The following TRDN variants were observed in gnomAD, a reference collection of about 807,000 sequenced individuals.
TRDN encodes the protein triadin.
In TRDN, 161 loss-of-function variants were observed where a neutral mutation model predicts 149.7. That is an observed-to-expected ratio of 1.08 (90% CI 0.95 to 1.23). TRDN has a LOEUF of 1.23. TRDN is among the 50% of genes most tolerant of loss of function. The pLI, the probability that TRDN is intolerant of heterozygous loss-of-function variation, is 0.00. For synonymous variants in TRDN, 294 were observed against 250.5 expected (o/e 1.17, Z -1.64); for missense variants, 896 against 823.5 (o/e 1.09, Z -1.08).
chr6:123,489,672 C>T (rs1300187082), intron 9 of TRDN: 1 of 152,038 alleles, frequency 6.6e-6, no homozygotes, highest in Non-Finnish European at 1.5e-5. Context: ...ATTTCATCAA[C>T]ATAGGAACTG....
intron 13 of TRDN, among the ~76,000 whole-genome samples, chr6:123,391,269 G>T: frequency 6.6e-6 from 1 of 151,156 alleles, no homozygotes; most frequent in Admixed American, 6.6e-5. Flanking sequence ...CCTTCAGCTA[G>T]TTTTTTCCCT....
At chr6:123,404,429 CT>C (rs1410120808) in intron 12 of TRDN, among the ~76,000 whole-genome samples, 1 of 151,994 alleles carries the variant, frequency 6.6e-6, no homozygotes, top group Non-Finnish European at 1.5e-5. Context: ...AGACTGTGGA[CT>C]TTTTGTAATG....
chr6:123,513,597 G>C (rs1779277038), intron 6 of TRDN, among the ~76,000 whole-genome samples: 1 of 151,932 alleles, frequency 6.6e-6, no homozygotes, highest in Non-Finnish European at 1.5e-5. Flanking sequence ...TTCTAGAACA[G>C]AGAAAGGAGA....
chr6:123,504,241 G>A (rs1322709350), intron 7 of TRDN, among the ~76,000 whole-genome samples: 1 of 151,990 alleles, frequency 6.6e-6, no homozygotes, highest in African/African-American at 2.4e-5. Context: ...GCAGGGGATG[G>A]ATGTACAGGA....
intron 24 of TRDN, among the ~76,000 whole-genome samples, chr6:123,279,868 T>G (rs1310069079): frequency 1.3e-5 from 2 of 152,166 alleles, no homozygotes; most frequent in African/African-American, 4.8e-5. Context: ...ATTTCAAAAC[T>G]ATCCTAGTAA....
At chr6:123,626,254 G>A (rs530739111) in intron 1 of TRDN, among the ~76,000 whole-genome samples, 107 of 152,150 alleles carry the variant, frequency 7.0e-4, no homozygotes, top group African/African-American at 2.4e-3. Context: ...GGCCAAGGTG[G>A]GTGGATCCCT....
At chr6:123,552,858 T>C (rs1314799105) in intron 2 of TRDN, among the ~76,000 whole-genome samples, 1 of 152,114 alleles carries the variant, frequency 6.6e-6, no homozygotes, top group Non-Finnish European at 1.5e-5. Context: ...ATGCCTTGCT[T>C]TCCCAAAGTC....
Position 123,388,473 on chromosome 6 carries a change from G to T in TRDN, c.1135+49C>A. ...CAGTCAAAACCCAACTCAGGATATT[G>T]GTAAATTGTACTCACAAAAGGCTCA... On this transcript the variant is annotated intron_variant, in intron 14 of 40. Coordinates refer to ENST00000334268, the MANE Select transcript of TRDN (RefSeq NM_006073.4). The T allele has an allele frequency of 3.2e-6, 5 of 1,564,640 alleles. No individual in the cohort carries two copies. In the South Asian group the frequency reaches 4.7e-5, roughly 15 times the overall value.
intron 4 of TRDN, among the ~76,000 whole-genome samples, chr6:123,546,786 A>G (rs1456503673): frequency 1.3e-5 from 2 of 151,848 alleles, no homozygotes; most frequent in African/African-American, 4.8e-5. Flanking sequence ...CCTGCAAGTA[A>G]TTCCTCTACA....
intron 10 of TRDN, among the ~76,000 whole-genome samples, chr6:123,449,668 A>T (rs970080893): frequency 6.6e-6 from 1 of 152,132 alleles, no homozygotes; most frequent in Non-Finnish European, 1.5e-5. Context: ...AAGGAAAACT[A>T]CTCCAGCCTT....
chr6:123,574,970 G>T (rs996077312), intron 1 of TRDN, among the ~76,000 whole-genome samples: 43 of 147,540 alleles, frequency 2.9e-4, no homozygotes, highest in African/African-American at 1.1e-3. Context: ...AGTTAAAAAT[G>T]AATTTTACGT....
At chr6:123,578,941 G>A (rs1321489355) in intron 1 of TRDN, among the ~76,000 whole-genome samples, 1 of 151,988 alleles carries the variant, frequency 6.6e-6, no homozygotes, top group Admixed American at 6.6e-5. Flanking sequence ...TCCTGATTTG[G>A]CTGTCAGCTT....
At chr6:123,431,159 G>A (rs1318316924) in intron 12 of TRDN, among the ~76,000 whole-genome samples, 1 of 152,124 alleles carries the variant, frequency 6.6e-6, no homozygotes, top group Non-Finnish European at 1.5e-5. Flanking sequence ...GCTGTCATCT[G>A]AACGCAGATT....
intron 2 of TRDN, among the ~76,000 whole-genome samples, chr6:123,559,717 G>C (rs868824175): frequency 6.6e-6 from 1 of 152,006 alleles, no homozygotes; most frequent in Non-Finnish European, 1.5e-5. Context: ...CAATTCCCCC[G>C]TTTTACCTGT....
chr6:123,343,823 T>TA (rs1475122708), intron 21 of TRDN, among the ~76,000 whole-genome samples: 1 of 152,088 alleles, frequency 6.6e-6, no homozygotes, highest in Non-Finnish European at 1.5e-5. Context: ...GGAGTTCCTG[T>TA]ACATTCTTTC....
chr6:123,622,219 TAA>T (rs1237406553), intron 1 of TRDN, among the ~76,000 whole-genome samples: 2 of 152,066 alleles, frequency 1.3e-5, no homozygotes, highest in African/African-American at 4.8e-5. Flanking sequence ...AAATGGATAC[TAA>T]ATATATTTTA....
At chr6:123,410,868 A>G (rs539812238) in intron 12 of TRDN, among the ~76,000 whole-genome samples, 3 of 152,088 alleles carry the variant, frequency 2.0e-5, no homozygotes, top group Admixed American at 2.0e-4. Context: ...CTTCACAAAT[A>G]CATAACAAAA....
intron 5 of TRDN, among the ~76,000 whole-genome samples, chr6:123,524,362 T>C (rs941151913): frequency 3.4e-5 from 5 of 146,204 alleles, no homozygotes; most frequent in Non-Finnish European, 6.1e-5. Flanking sequence ...ACTTTCAGCC[T>C]TTTCAAATAT....
intron 1 of TRDN, among the ~76,000 whole-genome samples, chr6:123,574,853 TATAC>T (rs1198381205): frequency 0.013 from 449 of 35,128 alleles, 4 homozygotes; most frequent in East Asian, 0.035. Context: ...TGAATTTATA[TATAC>T]ATATATATAT....
Sources: allele counts gnomAD v4.1 joint callset (sites outside exome capture counted in the v4.1 genomes callset), GRCh38; gene constraint gnomAD v4.1.1; transcripts MANE v1.5; gene names NCBI Gene and HGNC (gene_info 2026-07-23, HGNC 2026-07-21).